The following CHSY3 variants were observed in gnomAD, a reference collection of about 807,000 sequenced individuals.
CHSY3 encodes the protein chondroitin sulfate synthase 3.
CHSY3 carries 35 observed loss-of-function variants against 67.2 expected under a neutral mutation model. That is an observed-to-expected ratio of 0.52 (90% confidence interval 0.40 to 0.69). CHSY3 has a LOEUF of 0.69. Among genes scored for constraint, CHSY3 ranks in the 30% least tolerant of loss-of-function variants. The probability of loss-of-function intolerance (pLI) is 0.00; values close to 1 mark genes in which losing one functional copy is unlikely to be tolerated. For synonymous variants in CHSY3, 474 were observed against 434.7 expected (o/e 1.09, Z -1.12); for missense variants, 1,069 against 1,138.5 (o/e 0.94, Z 0.88).
At chr5:130,083,737 C>G (rs575114847) in intron 2 of CHSY3, among the ~76,000 whole-genome samples, 3 of 152,080 alleles carry the variant, frequency 2.0e-5, no homozygotes, top group Non-Finnish European at 4.4e-5. Context: ...ATACAGTGTT[C>G]TGGATACCAG....
intron 2 of CHSY3, among the ~76,000 whole-genome samples, chr5:130,056,269 T>TA (rs35144419): frequency 0.012 from 1,700 of 144,076 alleles, 30 homozygotes; most frequent in East Asian, 0.076. Flanking sequence ...AGAAGTTTGT[T>TA]AAAAAAAAAA....
At chr5:129,956,219 T>A (rs1239142533) in intron 2 of CHSY3, among the ~76,000 whole-genome samples, 1 of 152,190 alleles carries the variant, frequency 6.6e-6, no homozygotes, top group African/African-American at 2.4e-5. Context: ...GACATTTTAA[T>A]AATAACCATT....
chr5:129,905,259 C>G lies in CHSY3; in HGVS notation c.430C>G (p.Gln144Glu). 1 of 1,456,562 alleles carries G rather than the reference C, an allele frequency of 6.9e-7. No individual in the cohort carries two copies. The highest frequency in any genetic ancestry group is 1.4e-5 in the African/African-American group (1 of 69,396). The allele number at this position is 1,456,562 out of a possible 1,614,324, so 90.2% of individuals were successfully genotyped here. ...PEEEDGGAAGQRRDGRPGSSH... is the reference protein window; with the variant it reads ...PEEEDGGAAGERRDGRPGSSH... ...GGAGGAGGACGGGGGCGCGGCTGGGCAGCGGAGAGACGGCCGGCCGGGGAG... is the reference window on the plus strand; with the variant it reads ...GGAGGAGGACGGGGGCGCGGCTGGGGAGCGGAGAGACGGCCGGCCGGGGAG... The change falls in exon 1 of 3, where the codon CAG (glutamine) becomes GAG (glutamate). Residue 144 changes from glutamine (Q) to glutamate (E), a missense_variant. Gln to Glu is a conservative substitution (Grantham distance 29). Transcript: ENST00000305031.
intron 2 of CHSY3, among the ~76,000 whole-genome samples, chr5:129,956,812 C>T (rs78617058): frequency 6.6e-6 from 1 of 151,752 alleles, no homozygotes; most frequent in African/African-American, 2.4e-5. Context: ...TATTCTGTTT[C>T]ATTGGTCTAT....
At chr5:130,026,058 AG>A (rs1737037633) in intron 2 of CHSY3, among the ~76,000 whole-genome samples, 2 of 152,136 alleles carry the variant, frequency 1.3e-5, no homozygotes, top group African/African-American at 4.8e-5. Flanking sequence ...TGAAAAGTGA[AG>A]TGATGTGAAG....
Position 130,184,742 on chromosome 5 carries a change from G to A in CHSY3, c.1600G>A (p.Gly534Arg). The A allele has an allele frequency of 3.1e-6, 5 of 1,603,446 alleles. No homozygotes were observed. The highest frequency in any genetic ancestry group is 1.7e-5 in the Admixed American group (1 of 59,992). ...CTACCGCAGAGTTAACCCCATGCAC[G>A]GGGTGGAGTACATTTTGGATTTACT... ...YGYRRVNPMH[G>R]VEYILDLLLL... is the part of the protein sequence containing the mutation. The change falls in exon 3 of 3, where the codon GGG becomes AGG. Residue 534 changes from glycine (G) to arginine (R), a missense_variant. Gly to Arg is a moderately radical substitution (Grantham distance 125). Transcript: ENST00000305031.
At chr5:129,971,290 G>T (rs1188864026) in intron 2 of CHSY3, among the ~76,000 whole-genome samples, 1 of 151,596 alleles carries the variant, frequency 6.6e-6, no homozygotes, top group Admixed American at 6.6e-5. Flanking sequence ...TCAAAATATA[G>T]TAAATTATTT....
At chr5:130,022,069 C>T (rs528865770) in intron 2 of CHSY3, among the ~76,000 whole-genome samples, 4 of 152,030 alleles carry the variant, frequency 2.6e-5, no homozygotes, top group South Asian at 2.1e-4. Context: ...TCTGAAAGGC[C>T]GACATTGCTT....
chr5:130,146,789 G>A (rs1051749265), intron 2 of CHSY3, among the ~76,000 whole-genome samples: 3 of 150,948 alleles, frequency 2.0e-5, no homozygotes, highest in Non-Finnish European at 4.4e-5. Context: ...TTTTTGTTTT[G>A]TTTTGTTTTG....
At chr5:130,054,891 T>A (rs2149673365) in intron 2 of CHSY3, among the ~76,000 whole-genome samples, 1 of 152,314 alleles carries the variant, frequency 6.6e-6, no homozygotes, top group East Asian at 1.9e-4. Context: ...GGAGGCTTTC[T>A]GATCCTACCT....
At chr5:130,036,580 A>G (rs1025218302) in intron 2 of CHSY3, among the ~76,000 whole-genome samples, 1 of 152,176 alleles carries the variant, frequency 6.6e-6, no homozygotes, top group Non-Finnish European at 1.5e-5. Flanking sequence ...GAAGCAGGCT[A>G]TTGAGAAAAG....
chr5:130,074,692 T>G (rs1425350579), intron 2 of CHSY3, among the ~76,000 whole-genome samples: 1 of 152,150 alleles, frequency 6.6e-6, no homozygotes, highest in Non-Finnish European at 1.5e-5. Flanking sequence ...AAGAAATAAT[T>G]TATTAAAGAT....
intron 2 of CHSY3, among the ~76,000 whole-genome samples, chr5:130,134,793 G>C (rs1323664530): frequency 6.6e-6 from 1 of 151,836 alleles, no homozygotes; most frequent in African/African-American, 2.4e-5. Flanking sequence ...TAGTTAAATT[G>C]CACCATCATC....
chr5:130,010,672 A>G (rs1167658678), intron 2 of CHSY3, among the ~76,000 whole-genome samples: 1 of 152,136 alleles, frequency 6.6e-6, no homozygotes, highest in Non-Finnish European at 1.5e-5. Flanking sequence ...ATTGAAAAGT[A>G]TTATAAAAAA....
intron 2 of CHSY3, among the ~76,000 whole-genome samples, chr5:130,039,314 C>T (rs1436333000): frequency 6.6e-6 from 1 of 151,994 alleles, no homozygotes; most frequent in African/African-American, 2.4e-5. Flanking sequence ...TAGGGAGAAC[C>T]TGTCTCTACA....
At chr5:130,012,906 A>T (rs1764109681) in intron 2 of CHSY3, among the ~76,000 whole-genome samples, 1 of 152,142 alleles carries the variant, frequency 6.6e-6, no homozygotes, top group South Asian at 2.1e-4. Flanking sequence ...GTCCAACTTC[A>T]AAGTCTCGTC....
chr5:130,185,904 T>C lies in CHSY3; in HGVS notation c.*113T>C, dbSNP rs1274960122. 2 of 601,088 alleles carry C rather than the reference T, an allele frequency of 3.3e-6. No individual in the cohort carries two copies. Among genetic ancestry groups the C allele is most frequent in the African/African-American group, 1.9e-5 (1 of 52,022 alleles). The allele number at this position is 601,088 out of a possible 1,614,324, so 37.2% of individuals were successfully genotyped here. On this transcript the variant is annotated 3_prime_UTR_variant, in exon 3 of 3. Coordinates refer to ENST00000305031, the MANE Select transcript of CHSY3 (RefSeq NM_175856.5). ...TTATTATTATTGTTATAATTTTATT[T>C]TGTTGTCCTGGTCTTAAACTACTCT...
intron 2 of CHSY3, among the ~76,000 whole-genome samples, chr5:130,121,026 G>A (rs1014726369): frequency 2.6e-5 from 4 of 152,144 alleles, no homozygotes; most frequent in Non-Finnish European, 4.4e-5. Flanking sequence ...TTTTCAATGT[G>A]TGCCCTACTG....
At chr5:130,003,904 C>T (rs1220140571) in intron 2 of CHSY3, among the ~76,000 whole-genome samples, 6 of 152,080 alleles carry the variant, frequency 3.9e-5, no homozygotes, top group Non-Finnish European at 7.3e-5. Context: ...CATGAATCAG[C>T]GTTTATCATG....
Sources: gnomAD v4.1 joint callset for allele counts (sites outside exome capture counted in the v4.1 genomes callset) on GRCh38, gnomAD v4.1.1 for gene constraint, MANE v1.5 for transcripts, NCBI Gene and HGNC (gene_info 2026-07-23, HGNC 2026-07-21) for gene names.